The following DCAF8 variants were observed in gnomAD, a reference collection of about 807,000 sequenced individuals.
DCAF8 encodes DDB1- and CUL4-associated factor 8.
Under a neutral mutation model 68.0 loss-of-function variants are expected in DCAF8, and 20 were observed. That is an observed-to-expected ratio of 0.29 (90% CI 0.21 to 0.43). The LOEUF (loss-of-function observed/expected upper bound fraction) is 0.43. Among genes scored for constraint, DCAF8 ranks in the 20% least tolerant of loss-of-function variants. The probability of loss-of-function intolerance (pLI) is 1.00; values close to 1 mark genes in which losing one functional copy is unlikely to be tolerated. For missense variants in DCAF8, 460 were observed against 771.0 expected, an observed-to-expected ratio of 0.60 and a Z score of 4.78; for synonymous variants, 230 against 276.9, an observed-to-expected ratio of 0.83 and a Z score of 1.68.
rs1418313345 is a variant in DCAF8, at chr1:160,224,973, G to C, written c.1201+89C>G. On this transcript the variant is annotated intron_variant, in intron 9 of 13. Transcript: ENST00000368074. ...CTACTTGGAGCTATAGCACAGTGGT[G>C]AGCACTGGAGGGCACATGCCTCACT... The C allele has an allele frequency of 4.0e-6, 5 of 1,245,006 alleles. No homozygotes were observed. The African/African-American group carries it at 7.4e-5, about 18-fold the overall frequency. The allele number at this position is 1,245,006 out of a possible 1,614,324, so 77.1% of individuals were successfully genotyped here.
At chr1:160,232,484 T>TA in intron 6 of DCAF8, among the ~76,000 whole-genome samples, 1 of 151,950 alleles carries the variant, frequency 6.6e-6, no homozygotes, top group East Asian at 1.9e-4. Context: ...CTACCAAAAA[T>TA]AAAAAAATTA....
chr1:160,234,675 G>A (rs145334587), intron 6 of DCAF8, among the ~76,000 whole-genome samples: 2 of 151,512 alleles, frequency 1.3e-5, no homozygotes, highest in African/African-American at 4.8e-5. Context: ...TTCCTTTTTT[G>A]CTCTTCCCTA....
At chr1:160,236,603 G>A (rs1485668202) in intron 6 of DCAF8, among the ~76,000 whole-genome samples, 1 of 152,104 alleles carries the variant, frequency 6.6e-6, no homozygotes, top group Non-Finnish European at 1.5e-5. Context: ...AGGTCTGCCT[G>A]GATCCAAACA....
intron 3 of DCAF8, among the ~76,000 whole-genome samples, chr1:160,241,376 T>C (rs1656109787): frequency 6.6e-6 from 1 of 152,214 alleles, no homozygotes; most frequent in South Asian, 2.1e-4. Context: ...AGTCTCTCTA[T>C]TGAGACAGTT....
chr1:160,219,062 T>C, intron 11 of DCAF8, 94 bp from the exon 12 acceptor site: 1 of 1,549,900 alleles, frequency 6.5e-7, no homozygotes, highest in Non-Finnish European at 8.8e-7. Context: ...CTGCCCTTGA[T>C]CAGGGCTGAG....
Position 160,219,560 on chromosome 1 carries a change from C to T in DCAF8, c.1441-592G>A, listed in dbSNP as rs542520210. ...TCTGCTTGAGAGAACCTTGCACATC[C>T]CAGGGGGAACATCCTACTACTTGCC... On this transcript the variant is annotated intron_variant, in intron 11 of 13. Coordinates refer to ENST00000368074, the MANE Select transcript of DCAF8 (RefSeq NM_015726.4). 546 of 152,636 alleles carry T rather than the reference C, an allele frequency of 3.6e-3. 6 individuals are homozygous for T. Among genetic ancestry groups the T allele is most frequent in the Non-Finnish European group, 5.2e-3 (352 of 68,256 alleles). 9.5% of individuals were successfully genotyped at this position (152,636 alleles called of 1,614,324 possible).
intron 3 of DCAF8, 102 bp downstream of exon 3, chr1:160,243,858 T>C: frequency 8.7e-7 from 1 of 1,150,876 alleles, no homozygotes. Flanking sequence ...CAGGAAAGTT[T>C]CCCTCTCTCC....
At chr1:160,245,568 T>A (rs1656290777) in intron 2 of DCAF8, among the ~76,000 whole-genome samples, 1 of 152,230 alleles carries the variant, frequency 6.6e-6, no homozygotes, top group Non-Finnish European at 1.5e-5. Flanking sequence ...ATAGAAATAC[T>A]GCAAGACTGG....
intron 2 of DCAF8, among the ~76,000 whole-genome samples, chr1:160,253,136 A>G (rs1175843925): frequency 6.6e-6 from 1 of 152,192 alleles, no homozygotes; most frequent in Admixed American, 6.5e-5. Flanking sequence ...GAGAAAGGAG[A>G]GCAGAGAGAA....
At chr1:160,218,785 A>T in intron 12 of DCAF8, 64 bp downstream of exon 12, 2 of 1,599,820 alleles carry the variant, frequency 1.3e-6, no homozygotes, top group Non-Finnish European at 1.7e-6. Context: ...CCTCCCTATG[A>T]CAATAAGAAT....
rs561461859 is a variant in DCAF8 at position 160,262,171 on chromosome 1, A to G, written c.-101+278T>C. The G allele has an allele frequency of 1.3e-5, 5 of 396,428 alleles. No homozygotes were observed. The South Asian group carries it at 7.1e-4, about 57-fold the overall frequency. The allele number at this position is 396,428 out of a possible 1,614,324, so 24.6% of individuals were successfully genotyped here. On this transcript the variant is annotated intron_variant, in intron 1 of 13. Coordinates refer to ENST00000368074, the MANE Select transcript of DCAF8 (RefSeq NM_015726.4). ...GATGACTTCGGGTCGGCGGAAGGAA[A>G]AGACCTGAGCGCTAAGAGCTTGGGA...
At chr1:160,262,242 G>C (rs540864405) in intron 1 of DCAF8, 114 of 398,566 alleles carry the variant, frequency 2.9e-4, no homozygotes, top group African/African-American at 8.0e-4. Context: ...GGAAGCGAGG[G>C]GGGGCGCAGG....
chr1:160,233,935 A>G (rs1655780981), intron 6 of DCAF8, among the ~76,000 whole-genome samples: 1 of 152,186 alleles, frequency 6.6e-6, no homozygotes, highest in South Asian at 2.1e-4. Context: ...CAAATTCACC[A>G]AATTTTGCCT....
At chr1:160,231,742 T>C (rs1300841848) in intron 6 of DCAF8, among the ~76,000 whole-genome samples, 1 of 152,250 alleles carries the variant, frequency 6.6e-6, no homozygotes, top group African/African-American at 2.4e-5. Context: ...CAGCCAGTTA[T>C]TAATCAGACA....
At chr1:160,235,718 G>A (rs896522927) in intron 6 of DCAF8, among the ~76,000 whole-genome samples, 2 of 151,594 alleles carry the variant, frequency 1.3e-5, no homozygotes, top group African/African-American at 4.9e-5. Flanking sequence ...GACTAAAAAG[G>A]TGTTCAAAAT....
At chr1:160,228,942 T>C (rs539006674) in intron 7 of DCAF8, among the ~76,000 whole-genome samples, 1 of 152,286 alleles carries the variant, frequency 6.6e-6, no homozygotes, top group East Asian at 1.9e-4. Context: ...GAGTGTAACC[T>C]AATGTCAGAG....
intron 2 of DCAF8, among the ~76,000 whole-genome samples, chr1:160,258,712 TTGAGACCAGCCTAGGCAACAAAG>T (rs912667063): frequency 6.6e-6 from 1 of 151,944 alleles, no homozygotes; most frequent in Admixed American, 6.6e-5. Flanking sequence ...GCCCAGGAGT[TTGAGACCAGCCTAGGCAACAAAG>T]TGAGACCCTA....
At position 160,252,319 on chromosome 1, in the gene DCAF8, G is replaced by C. The variant is rs551556776; in HGVS notation, c.-26-8285C>G. Among the ~76,000 whole-genome samples, 67 of 152,358 alleles carry C rather than the reference G, an allele frequency of 4.4e-4. 1 individual carries two copies. Among genetic ancestry groups the C allele is most frequent in the Middle Eastern group, 3.4e-3 (1 of 294 alleles). ...AATAGAATGCTGTTGTGGTTGAACA[G>C]AGGAAAAGATTATATTTAGTTTCAG... is the stretch of plus-strand genomic sequence containing the variant. On this transcript the variant is annotated intron_variant, in intron 2 of 13. Coordinates refer to ENST00000368074, the MANE Select transcript of DCAF8 (RefSeq NM_015726.4).
intron 8 of DCAF8, among the ~76,000 whole-genome samples, chr1:160,225,375 A>C (rs1193683839): frequency 2.0e-5 from 3 of 152,256 alleles, no homozygotes; most frequent in Admixed American, 6.5e-5. Flanking sequence ...GGTGCAAGGC[A>C]GTTATTTTTA....
Sources: allele counts gnomAD v4.1 joint callset (sites outside exome capture counted in the v4.1 genomes callset), GRCh38; gene constraint gnomAD v4.1.1; transcripts MANE v1.5; gene names NCBI Gene and HGNC (gene_info 2026-07-23, HGNC 2026-07-21).